The following GPHN variants were observed in gnomAD, a reference collection of about 807,000 sequenced individuals.
GPHN encodes the protein gephyrin.
Under a neutral mutation model 95.5 loss-of-function variants are expected in GPHN, and 17 were observed. That is an observed-to-expected ratio of 0.18 (90% CI 0.12 to 0.27). The LOEUF is 0.27. Ranked by LOEUF, GPHN falls within the 10% of genes least tolerant of loss-of-function variation. GPHN has a pLI of 1.00. For synonymous variants in GPHN, 320 were observed against 322.5 expected (o/e 0.99, Z 0.08); for missense variants, 660 against 978.1 (o/e 0.67, Z 4.34).
At chr14:67,478,119 T>C in the GPHN span, among the ~76,000 whole-genome samples, 1 of 152,258 alleles carries the variant, frequency 6.6e-6, no homozygotes, top group East Asian at 1.9e-4. Flanking sequence ...CACATGTCTG[T>C]GGTTGGCAGA....
chr14:67,362,951 A>G, the GPHN span, among the ~76,000 whole-genome samples: 5 of 152,138 alleles, frequency 3.3e-5, no homozygotes, highest in African/African-American at 7.2e-5. Context: ...AATAGTATTC[A>G]TAGTCATATC....
At chr14:66,580,488 T>C (rs1217273135) in intron 1 of GPHN, among the ~76,000 whole-genome samples, 1 of 148,616 alleles carries the variant, frequency 6.7e-6, no homozygotes, top group Non-Finnish European at 1.5e-5. Flanking sequence ...TTAAAGAAAA[T>C]CAGAAATGAA....
chr14:66,680,089 C>T (rs1392039031), intron 1 of GPHN, among the ~76,000 whole-genome samples: 2 of 152,176 alleles, frequency 1.3e-5, no homozygotes, highest in African/African-American at 4.8e-5. Context: ...CTTACTGCAT[C>T]AAGTCTGGGT....
intron 9 of GPHN, among the ~76,000 whole-genome samples, chr14:67,023,206 T>A (rs2073749288): frequency 6.6e-6 from 1 of 152,074 alleles, no homozygotes; most frequent in African/African-American, 2.4e-5. Flanking sequence ...TTTATATACA[T>A]ACTAAAAAAT....
the GPHN span, among the ~76,000 whole-genome samples, chr14:67,212,633 A>AT: frequency 6.9e-6 from 1 of 145,754 alleles, no homozygotes; most frequent in Non-Finnish European, 1.5e-5. Context: ...TATTATATAT[A>AT]ATATATATTA....
intron 1 of GPHN, among the ~76,000 whole-genome samples, chr14:66,625,384 T>G (rs1396460492): frequency 1.3e-5 from 2 of 152,142 alleles, no homozygotes; most frequent in Non-Finnish European, 2.9e-5. Context: ...TTGTCTTTCA[T>G]TTTTGGAAAA....
chr14:67,571,398 T>C, the GPHN span: 3 of 217,404 alleles, frequency 1.4e-5, no homozygotes, highest in Non-Finnish European at 2.8e-5. Context: ...TCATTGATTG[T>C]TGCGACGTCC....
chr14:67,264,659 G>T, the GPHN span, among the ~76,000 whole-genome samples: 1 of 152,088 alleles, frequency 6.6e-6, no homozygotes, highest in Non-Finnish European at 1.5e-5. Context: ...GGATCTAGAT[G>T]GTTAGTAAAT....
intron 10 of GPHN, among the ~76,000 whole-genome samples, chr14:67,042,797 T>C (rs931585295): frequency 6.6e-5 from 10 of 152,226 alleles, no homozygotes; most frequent in Admixed American, 2.6e-4. Flanking sequence ...GGGGATAGCA[T>C]TGAATCTATA....
chr14:67,024,849 C>T (rs1046937215), intron 10 of GPHN, among the ~76,000 whole-genome samples: 1 of 152,138 alleles, frequency 6.6e-6, no homozygotes, highest in Non-Finnish European at 1.5e-5. Flanking sequence ...TAGAGACCTT[C>T]ACAAAGGTAA....
intron 2 of GPHN, among the ~76,000 whole-genome samples, chr14:66,692,189 T>A (rs1019802461): frequency 8.5e-5 from 13 of 152,188 alleles, no homozygotes; most frequent in African/African-American, 3.1e-4. Context: ...CTGCTAACCT[T>A]CTTATAGTCC....
intron 17 of GPHN, among the ~76,000 whole-genome samples, chr14:67,127,122 A>T (rs1368789995): frequency 4.7e-5 from 5 of 105,266 alleles, no homozygotes; most frequent in Admixed American, 9.7e-5. Flanking sequence ...GGGAAGGGGG[A>T]GGGATAGCAT....
At chr14:67,499,874 C>T in the GPHN span, among the ~76,000 whole-genome samples, 4 of 151,922 alleles carry the variant, frequency 2.6e-5, no homozygotes, top group East Asian at 1.9e-4. Flanking sequence ...CTTCAATTGA[C>T]GGGATAGCTT....
chr14:67,725,868 G>A, the GPHN span, among the ~76,000 whole-genome samples: 1 of 152,222 alleles, frequency 6.6e-6, no homozygotes, highest in African/African-American at 2.4e-5. Flanking sequence ...ATGAAGGATA[G>A]TTATTGAGTG....
intron 1 of GPHN, among the ~76,000 whole-genome samples, chr14:66,634,725 C>T (rs1404318041): frequency 6.6e-6 from 1 of 152,058 alleles, no homozygotes; most frequent in East Asian, 1.9e-4. Context: ...CTGGGTGAGG[C>T]GCACAGGAAC....
intron 16 of GPHN, among the ~76,000 whole-genome samples, chr14:67,118,421 A>C (rs2078812489): frequency 6.6e-6 from 1 of 152,258 alleles, no homozygotes; most frequent in African/African-American, 2.4e-5. Flanking sequence ...CAGGCTGATA[A>C]GTGTCCAAAG....
At chr14:67,565,780 G>A in the GPHN span, among the ~76,000 whole-genome samples, 3 of 152,230 alleles carry the variant, frequency 2.0e-5, no homozygotes, top group South Asian at 2.1e-4. Context: ...ACCACTGCTC[G>A]GGAGACCTGT....
chr14:66,663,173 A>G (rs1239032686), intron 1 of GPHN, among the ~76,000 whole-genome samples: 1 of 152,352 alleles, frequency 6.6e-6, no homozygotes. Flanking sequence ...ACACATAATC[A>G]TCAGATTCTC....
rs2082201850 is a variant in GPHN, at chr14:67,165,144, A to T, written c.1911-18A>T. On this transcript the variant is annotated intron_variant, in intron 19 of 22. Coordinates refer to ENST00000478722, the MANE Select transcript of GPHN (RefSeq NM_020806.5). ...ATTGCTTAGCAATCACTAACAAGTGACTCTTTTTTTCTTCTAGCTTGCCAA... is the reference window on the plus strand; with the variant it reads ...ATTGCTTAGCAATCACTAACAAGTGTCTCTTTTTTTCTTCTAGCTTGCCAA... 6.4e-7 allele frequency: 1 copy of T among 1,574,418 alleles called. No individual in the cohort carries two copies. Among genetic ancestry groups the T allele is most frequent in the African/African-American group, 1.3e-5 (1 of 74,216 alleles).
Sources: allele counts gnomAD v4.1 joint callset (sites outside exome capture counted in the v4.1 genomes callset), GRCh38; gene constraint gnomAD v4.1.1; transcripts MANE v1.5; gene names NCBI Gene and HGNC (gene_info 2026-07-23, HGNC 2026-07-21).